Variants in POU2F1 observed in about 807,000 individuals in gnomAD.
The protein encoded by POU2F1 is POU domain, class 2, transcription factor 1.
POU2F1 carries 16 observed loss-of-function variants against 84.9 expected under a neutral mutation model. That is an observed-to-expected ratio of 0.19 (90% CI 0.13 to 0.29). The LOEUF is 0.29. POU2F1 is among the 10% of genes least tolerant of loss of function. The pLI is 1.00. For synonymous variants in POU2F1, 368 were observed against 368.3 expected (o/e 1.00, Z 0.01); for missense variants, 738 against 942.6 (o/e 0.78, Z 2.84).
At chr1:167,265,329 T>C (rs543273524) in intron 1 of POU2F1, among the ~76,000 whole-genome samples, 1 of 152,316 alleles carries the variant, frequency 6.6e-6, no homozygotes, top group South Asian at 2.1e-4. Flanking sequence ...ACAGGACAGT[T>C]CACAATGATA....
chr1:167,359,294 G>C (rs1274279947), intron 2 of POU2F1, among the ~76,000 whole-genome samples: 1 of 151,994 alleles, frequency 6.6e-6, no homozygotes, highest in Non-Finnish European at 1.5e-5. Flanking sequence ...TAATGATTCT[G>C]TCACCCAAGT....
At chr1:167,386,115 G>A (rs73026258) in intron 8 of POU2F1, among the ~76,000 whole-genome samples, 6,738 of 152,222 alleles carry the variant, frequency 0.044, 481 homozygotes, top group African/African-American at 0.15. Flanking sequence ...AGAAGGTAAA[G>A]CGACTAGAGT....
At chr1:167,340,104 A>G (rs373123012) in intron 2 of POU2F1, among the ~76,000 whole-genome samples, 164 of 152,264 alleles carry the variant, frequency 1.1e-3, no homozygotes, top group African/African-American at 3.5e-3. Flanking sequence ...TTTAAGATGG[A>G]ATTTCACTGT....
intron 1 of POU2F1, among the ~76,000 whole-genome samples, chr1:167,267,278 T>G (rs1652034444): frequency 6.6e-6 from 1 of 151,858 alleles, no homozygotes; most frequent in Non-Finnish European, 1.5e-5. Context: ...CCAAACTATA[T>G]ATGCAAGACA....
intron 2 of POU2F1, among the ~76,000 whole-genome samples, chr1:167,353,194 A>T (rs1658695893): frequency 6.6e-6 from 1 of 152,114 alleles, no homozygotes; most frequent in East Asian, 1.9e-4. Flanking sequence ...CACATTTTTC[A>T]TTGCATATTT....
intron 1 of POU2F1, among the ~76,000 whole-genome samples, chr1:167,275,551 C>T (rs1466333594): frequency 1.3e-5 from 2 of 151,970 alleles, no homozygotes; most frequent in African/African-American, 4.8e-5. Flanking sequence ...TTTTTCATTC[C>T]CACTTTTTAA....
At chr1:167,383,639 A>G in intron 7 of POU2F1, 1 of 425,948 alleles carries the variant, frequency 2.3e-6, no homozygotes, top group Non-Finnish European at 4.2e-6. Context: ...GATTATGCCA[A>G]AGACATATCA....
chr1:167,233,622 TC>T (rs1472092204), intron 1 of POU2F1, among the ~76,000 whole-genome samples: 1 of 152,196 alleles, frequency 6.6e-6, no homozygotes, highest in African/African-American at 2.4e-5. Context: ...AATGACAAAA[TC>T]ATCTAATGAC....
At chr1:167,371,405 C>T (rs1189191190) in intron 4 of POU2F1, among the ~76,000 whole-genome samples, 1 of 152,156 alleles carries the variant, frequency 6.6e-6, no homozygotes, top group Non-Finnish European at 1.5e-5. Flanking sequence ...TCGTGCCCCT[C>T]TCTCTTGACT....
At position 167,314,572 on chromosome 1, in the gene POU2F1, A is replaced by G. The variant is rs372453032; in HGVS notation, c.62-17898A>G. ...TGGGAGGATGGCTTGAGCCCAGGAGATCCATACCATCCTGGGCCACACAGG... is the reference window on the plus strand; with the variant it reads ...TGGGAGGATGGCTTGAGCCCAGGAGGTCCATACCATCCTGGGCCACACAGG... On this transcript the variant is annotated intron_variant, in intron 1 of 15. Coordinates refer to ENST00000367866, the MANE Select transcript of POU2F1 (RefSeq NM_002697.4). Among the ~76,000 whole-genome samples the G allele has an allele frequency of 3.3e-5, 5 of 151,966 alleles. No homozygotes were observed. The East Asian group carries it at 7.8e-4, about 24-fold the overall frequency.
At chr1:167,286,561 A>G (rs1296765244) in intron 1 of POU2F1, among the ~76,000 whole-genome samples, 2 of 152,238 alleles carry the variant, frequency 1.3e-5, no homozygotes, top group African/African-American at 4.8e-5. Flanking sequence ...TTGTAGCTAA[A>G]GCAGGAATCA....
intron 3 of POU2F1, 123 bp downstream of exon 3, chr1:167,365,690 G>A (rs971517208): frequency 1.6e-6 from 1 of 635,304 alleles, no homozygotes; most frequent in South Asian, 3.0e-5. Context: ...TGCTAATTGT[G>A]TAATTGTGTC....
At chr1:167,359,850 GT>G (rs35501138) in intron 2 of POU2F1, among the ~76,000 whole-genome samples, 83,113 of 128,748 alleles carry the variant, frequency 0.65, 23,995 homozygotes, top group East Asian at 0.8. Flanking sequence ...TTGTGGGTTT[GT>G]TTTTTTTTTT....
chr1:167,409,943 C>T (rs1321726797), intron 13 of POU2F1, among the ~76,000 whole-genome samples: 1 of 152,090 alleles, frequency 6.6e-6, no homozygotes, highest in Non-Finnish European at 1.5e-5. Flanking sequence ...AAGATGTTCA[C>T]CTTACTATGT....
At chr1:167,369,824 T>TA (rs1659897720) in intron 3 of POU2F1, among the ~76,000 whole-genome samples, 1 of 152,212 alleles carries the variant, frequency 6.6e-6, no homozygotes, top group Non-Finnish European at 1.5e-5. Flanking sequence ...TGTGGAAGGT[T>TA]AATTAAATTT....
Position 167,423,816 on chromosome 1 carries a change from T to G in POU2F1, c.*8006T>G, listed in dbSNP as rs1055712408. 6.6e-6 allele frequency: 1 copy of G among 152,266 alleles called. No homozygotes were observed. Among genetic ancestry groups the G allele is most frequent in the Non-Finnish European group, 1.5e-5 (1 of 68,054 alleles). 9.4% of individuals were successfully genotyped at this position (152,266 alleles called of 1,614,324 possible). Reference sequence around the variant, plus strand: ...TCACAAGAGCAGCTTAAGGCTTCTTTCATAAATTGGCAGTGGCATTGAGTT... The same window carrying G: ...TCACAAGAGCAGCTTAAGGCTTCTTGCATAAATTGGCAGTGGCATTGAGTT... On this transcript the variant is annotated 3_prime_UTR_variant, in exon 16 of 16. Transcript: ENST00000367866.
Position 167,396,319 on chromosome 1 carries a change from G to A in POU2F1, c.1021G>A (p.Gly341Arg). The change falls in exon 10 of 16, where the codon GGA (glycine) becomes AGA (arginine). Residue 341 changes from glycine to arginine, a missense_variant. By Grantham distance (125) the Gly-to-Arg change is moderately radical. Coordinates refer to ENST00000367866, the MANE Select transcript of POU2F1 (RefSeq NM_002697.4). Reference protein sequence around the residue: ...DVGLAMGKLYGNDFSQTTISR... With the variant: ...DVGLAMGKLYRNDFSQTTISR... Reference sequence around the variant, plus strand: ...TGGGCTCGCTATGGGGAAACTATATGGAAATGACTTCAGCCAAACTACCAT... The same window carrying A: ...TGGGCTCGCTATGGGGAAACTATATAGAAATGACTTCAGCCAAACTACCAT... 1 of 1,614,068 alleles carries A rather than the reference G, an allele frequency of 6.2e-7. No homozygotes were observed.
Position 167,404,684 on chromosome 1 carries a change from C to G in POU2F1, c.1555+3128C>G, listed in dbSNP as rs376770481. On this transcript the variant is annotated intron_variant, in intron 13 of 15. Coordinates refer to ENST00000367866, the MANE Select transcript of POU2F1 (RefSeq NM_002697.4). ...GCCCTTGAATCACCCTGTTCTCTGA[C>G]CCTATTTCCATCTACCTCAGTATCT... Among the ~76,000 whole-genome samples the G allele has an allele frequency of 3.9e-5, 6 of 152,264 alleles. No individual in the cohort carries two copies. In the East Asian group the frequency reaches 7.7e-4, roughly 20 times the overall value.
At chr1:167,329,523 A>G (rs746430053) in intron 1 of POU2F1, among the ~76,000 whole-genome samples, 11 of 152,150 alleles carry the variant, frequency 7.2e-5, no homozygotes, top group Non-Finnish European at 1.3e-4. Context: ...TTCAGAGGGT[A>G]TCGTTAGTAA....
Sources: allele counts gnomAD v4.1 joint callset (sites outside exome capture counted in the v4.1 genomes callset), GRCh38; gene constraint gnomAD v4.1.1; transcripts MANE v1.5; gene names NCBI Gene and HGNC (gene_info 2026-07-23, HGNC 2026-07-21).